The following GRID2 variants were observed in gnomAD, a reference collection of about 807,000 sequenced individuals.
GRID2 encodes the protein glutamate ionotropic receptor delta type subunit 2.
In GRID2, 33 loss-of-function variants were observed where a neutral mutation model predicts 114.8. That is an observed-to-expected ratio of 0.29 (90% confidence interval 0.22 to 0.38). GRID2 has a LOEUF of 0.38. Among genes scored for constraint, GRID2 ranks in the 10% least tolerant of loss-of-function variants. The pLI is 1.00. For synonymous variants in GRID2, 505 were observed against 449.9 expected, an observed-to-expected ratio of 1.12 and a Z score of -1.55; for missense variants, 1,184 against 1,257.7, an observed-to-expected ratio of 0.94 and a Z score of 0.89.
At chr4:93,433,076 GA>G (rs1769576494) in intron 10 of GRID2, among the ~76,000 whole-genome samples, 1 of 152,026 alleles carries the variant, frequency 6.6e-6, no homozygotes, top group African/African-American at 2.4e-5. Flanking sequence ...CTCCAATAAT[GA>G]TTGTAAGGTT....
chr4:93,705,661 T>TC (rs1727934110), intron 14 of GRID2, among the ~76,000 whole-genome samples: 1 of 152,232 alleles, frequency 6.6e-6, no homozygotes, highest in South Asian at 2.1e-4. Flanking sequence ...ATTGTTTACT[T>TC]TGCCATGCAG....
intron 13 of GRID2, among the ~76,000 whole-genome samples, chr4:93,560,064 A>T (rs1322610391): frequency 2.0e-5 from 3 of 151,550 alleles, no homozygotes; most frequent in Admixed American, 6.6e-5. Flanking sequence ...AACATCACAC[A>T]CTGGGGCCTG....
chr4:92,684,116 C>A (rs1003601151), intron 2 of GRID2, among the ~76,000 whole-genome samples: 7 of 151,608 alleles, frequency 4.6e-5, no homozygotes, highest in African/African-American at 1.5e-4. Context: ...AAGTAGAATA[C>A]CATTATGTAA....
chr4:93,521,432 CAA>C (rs1477032513), intron 13 of GRID2, among the ~76,000 whole-genome samples: 1 of 151,990 alleles, frequency 6.6e-6, no homozygotes, highest in African/African-American at 2.4e-5. Flanking sequence ...AGATGGAAAA[CAA>C]GAGAGAGTAA....
intron 13 of GRID2, among the ~76,000 whole-genome samples, chr4:93,565,549 T>G (rs1735331194): frequency 6.6e-6 from 1 of 152,054 alleles, no homozygotes; most frequent in Non-Finnish European, 1.5e-5. Context: ...TATTAAAAAA[T>G]AAAAGAAAAT....
intron 2 of GRID2, among the ~76,000 whole-genome samples, chr4:92,839,511 A>AAAAAGTTTTCTTTAAAAACTTTTTAAAG (rs1160030923): frequency 3.4e-5 from 5 of 147,758 alleles, no homozygotes; most frequent in Non-Finnish European, 5.9e-5. Context: ...TTTTAAAATT[A>AAAAAGTTTTCTTTAAAAACTTTTTAAAG]AAAAGTTTTC....
chr4:93,553,134 T>G (rs112049354), intron 13 of GRID2, among the ~76,000 whole-genome samples: 12 of 152,304 alleles, frequency 7.9e-5, no homozygotes, highest in African/African-American at 2.9e-4. Context: ...TTATAATCCT[T>G]AGGGTATATA....
At chr4:92,636,390 AT>A (rs1166330391) in intron 2 of GRID2, among the ~76,000 whole-genome samples, 1 of 152,090 alleles carries the variant, frequency 6.6e-6, no homozygotes, top group Non-Finnish European at 1.5e-5. Context: ...GGAAAAAAAA[AT>A]TCTCAGATAT....
At chr4:92,609,648 A>G (rs1395300653) in intron 2 of GRID2, among the ~76,000 whole-genome samples, 1 of 150,698 alleles carries the variant, frequency 6.6e-6, no homozygotes, top group African/African-American at 2.4e-5. Context: ...ATAATAGTAG[A>G]TCACTATAAT....
intron 2 of GRID2, among the ~76,000 whole-genome samples, chr4:92,694,750 G>C (rs192411283): frequency 6.6e-6 from 1 of 152,194 alleles, no homozygotes; most frequent in Admixed American, 6.5e-5. Context: ...TGTGAAACTT[G>C]TGCATATCTT....
chr4:93,300,343 C>G (rs897815308), intron 8 of GRID2, among the ~76,000 whole-genome samples: 2 of 152,152 alleles, frequency 1.3e-5, no homozygotes, highest in Non-Finnish European at 2.9e-5. Flanking sequence ...GGGCTGACCC[C>G]ATCAAGGGTC....
intron 2 of GRID2, among the ~76,000 whole-genome samples, chr4:92,878,204 A>C (rs550972209): frequency 6.6e-6 from 1 of 152,104 alleles, no homozygotes; most frequent in African/African-American, 2.4e-5. Flanking sequence ...TTCCTTCCCT[A>C]CATTGTCTGC....
intron 1 of GRID2, among the ~76,000 whole-genome samples, chr4:92,473,069 A>G (rs566835539): frequency 6.6e-6 from 1 of 152,048 alleles, no homozygotes; most frequent in Non-Finnish European, 1.5e-5. Context: ...ATTTTGGGTT[A>G]TTTTTGCATA....
intron 2 of GRID2, among the ~76,000 whole-genome samples, chr4:92,644,057 A>G (rs1196112545): frequency 6.6e-6 from 1 of 151,736 alleles, no homozygotes; most frequent in South Asian, 2.1e-4. Context: ...AAAATCTACA[A>G]CTAGATCTGA....
chr4:93,221,515 G>T (rs1421640780), intron 6 of GRID2, among the ~76,000 whole-genome samples: 2 of 152,104 alleles, frequency 1.3e-5, no homozygotes, highest in African/African-American at 4.8e-5. Flanking sequence ...TCCAGTAAAT[G>T]GTCATTTGTG....
chr4:93,299,831 G>A (rs567801643), intron 8 of GRID2, among the ~76,000 whole-genome samples: 1 of 151,992 alleles, frequency 6.6e-6, no homozygotes, highest in South Asian at 2.1e-4. Context: ...TGTGCCTTCT[G>A]TAAGAGTCCC....
chr4:92,753,324 A>G (rs1295223921), intron 2 of GRID2, among the ~76,000 whole-genome samples: 2 of 152,102 alleles, frequency 1.3e-5, no homozygotes, highest in African/African-American at 4.8e-5. Context: ...GAGAGGTAGG[A>G]TTTCTTGTGA....
At chr4:92,793,790 T>C (rs1176461415) in intron 2 of GRID2, among the ~76,000 whole-genome samples, 1 of 151,880 alleles carries the variant, frequency 6.6e-6, no homozygotes, top group East Asian at 1.9e-4. Context: ...GAAAATCTGC[T>C]ACATGAAAGG....
intron 2 of GRID2, among the ~76,000 whole-genome samples, chr4:92,634,529 A>G (rs774844003): frequency 1.3e-5 from 2 of 152,156 alleles, no homozygotes. Flanking sequence ...AGGAAGGTGT[A>G]GAAACACACA....
Sources: gnomAD v4.1 joint callset for allele counts (sites outside exome capture counted in the v4.1 genomes callset) on GRCh38, gnomAD v4.1.1 for gene constraint, MANE v1.5 for transcripts, NCBI Gene and HGNC (gene_info 2026-07-23, HGNC 2026-07-21) for gene names.